The following IL12A variants were observed in gnomAD, a reference collection of about 807,000 sequenced individuals.
IL12A encodes the protein interleukin 12A.
IL12A carries 16 observed loss-of-function variants against 23.5 expected under a neutral mutation model. The observed-to-expected ratio is 0.68, with a 90% CI of 0.46 to 1.03. The LOEUF is 1.03. IL12A is among the 50% of genes least tolerant of loss of function. The pLI, the probability that IL12A is intolerant of heterozygous loss-of-function variation, is 0.00. For synonymous variants in IL12A, 106 were observed against 111.5 expected (o/e 0.95, Z 0.31); for missense variants, 275 against 307.0 (o/e 0.90, Z 0.78).
intron 2 of IL12A, among the ~76,000 whole-genome samples, chr3:159,992,690 A>AT (rs1720361744): frequency 6.6e-6 from 1 of 152,168 alleles, no homozygotes; most frequent in Non-Finnish European, 1.5e-5. Context: ...AGAAGAAACA[A>AT]TTTTCACCAG....
Position 159,988,922 on chromosome 3 carries a change from C to T in IL12A, c.-135C>T, listed in dbSNP as rs563031174. ...GGCACCCCGGGAGTTAATCCGAAAG[C>T]GCCGCAAGCCCCGCGGGCCGGCCGC... On this transcript the variant is annotated 5_prime_UTR_variant, in exon 1 of 7. Transcript: ENST00000305579. 1.2e-4 allele frequency: 91 copies of T among 736,370 alleles called. No individual in the cohort carries two copies. The highest frequency in any genetic ancestry group is 1.2e-3 in the African/African-American group (68 of 55,826). The allele number at this position is 736,370 out of a possible 1,614,324, so 45.6% of individuals were successfully genotyped here. A position where few individuals can be genotyped will look rare whatever the true frequency, so the allele number is the denominator to read the frequency against.
At chr3:159,990,789 G>C (rs987092729) in intron 2 of IL12A, among the ~76,000 whole-genome samples, 2 of 152,186 alleles carry the variant, frequency 1.3e-5, no homozygotes, top group African/African-American at 2.4e-5. Flanking sequence ...ACACATCTCA[G>C]GGAGGACTAT....
chr3:159,994,093 A>T (rs1720412217), intron 6 of IL12A: 3 of 416,662 alleles, frequency 7.2e-6, no homozygotes, highest in African/African-American at 2.0e-5. Flanking sequence ...GTTTTTGTGC[A>T]TTTTCTTATG....
chr3:159,994,665 A>G (rs1393749579), intron 6 of IL12A, among the ~76,000 whole-genome samples: 1 of 151,546 alleles, frequency 6.6e-6, no homozygotes, highest in Non-Finnish European at 1.5e-5. Flanking sequence ...TCATCCAAGT[A>G]TCAAAGAATG....
chr3:159,993,922 A>G (rs1720406178), intron 6 of IL12A, 78 bp downstream of exon 6: 1 of 1,490,160 alleles, frequency 6.7e-7, no homozygotes, highest in African/African-American at 1.4e-5. Context: ...AAAGAGATAT[A>G]AAAAGAGGTC....
intron 2 of IL12A, among the ~76,000 whole-genome samples, chr3:159,992,523 CTG>C (rs1720355632): frequency 1.3e-5 from 2 of 152,328 alleles, no homozygotes; most frequent in South Asian, 4.1e-4. Context: ...GATGACATCT[CTG>C]TGTATGTGTG....
chr3:159,993,396 T>G, intron 3 of IL12A, 55 bp from the exon 4 acceptor site: 6 of 1,389,538 alleles, frequency 4.3e-6, no homozygotes, highest in Non-Finnish European at 1.0e-6. Flanking sequence ...ACCTGAAGAG[T>G]CAGAAAGATT....
chr3:159,995,529 T>C lies in IL12A; in HGVS notation c.732T>C (p.Asp244=), dbSNP rs1042154. The change falls in exon 7 of 7, where the codon GAT becomes GAC. Residue 244 remains aspartate (D), a synonymous_variant. Transcript: ENST00000305579. ...TCAGAATTCGGGCAGTGACTATTGA[T>C]AGAGTGATGAGCTATCTGAATGCTT... 4 of 1,608,636 alleles carry C rather than the reference T, an allele frequency of 2.5e-6. No homozygotes were observed. The highest frequency in any genetic ancestry group is 3.4e-6 in the Non-Finnish European group (4 of 1,177,974).
At chr3:159,989,242 G>C in intron 1 of IL12A, 68 bp downstream of exon 1, 1 of 1,251,984 alleles carries the variant, frequency 8.0e-7, no homozygotes, top group South Asian at 1.2e-5. Context: ...GGGAAGAGTG[G>C]GTAGAAACTC....
In IL12A at chr3:159,992,476, T is replaced by C. The variant is rs150993021; in HGVS notation, c.265-536T>C. On this transcript the variant is annotated intron_variant, in intron 2 of 6. Coordinates refer to ENST00000305579, the MANE Select transcript of IL12A (RefSeq NM_000882.4). The stretch of plus-strand genomic sequence containing the variant: ...AGTCCTTTACTTCCTAAGATACATT[T>C]CATAATTTTACCCAACGGTGCTTTC... Among the ~76,000 whole-genome samples, 91 of 152,326 alleles carry C rather than the reference T, an allele frequency of 6.0e-4. 1 individual carries two copies. Among genetic ancestry groups the C allele is most frequent in the African/African-American group, 2.0e-3 (85 of 41,566 alleles).
At chr3:159,989,244 T>A in intron 1 of IL12A, 70 bp downstream of exon 1, 1 of 1,233,356 alleles carries the variant, frequency 8.1e-7, no homozygotes, top group African/African-American at 1.5e-5. Context: ...GAAGAGTGGG[T>A]AGAAACTCAA....
At chr3:159,993,952 TG>T in intron 6 of IL12A, 108 bp downstream of exon 6, 3 of 1,065,744 alleles carry the variant, frequency 2.8e-6, no homozygotes, top group Non-Finnish European at 4.1e-6. Flanking sequence ...TTTAAAGGCC[TG>T]ACAGACCTAC....
At chr3:159,991,976 CT>C (rs1369593197) in intron 2 of IL12A, among the ~76,000 whole-genome samples, 1 of 152,250 alleles carries the variant, frequency 6.6e-6, no homozygotes, top group Non-Finnish European at 1.5e-5. Context: ...TGAATGTCAT[CT>C]GCACCTTCAT....
At chr3:159,990,788 A>G (rs1720279278) in intron 2 of IL12A, among the ~76,000 whole-genome samples, 1 of 152,176 alleles carries the variant, frequency 6.6e-6, no homozygotes. Context: ...AACACATCTC[A>G]GGGAGGACTA....
chr3:159,994,579 C>CGTGTGTGTGTGTGT (rs60659167), intron 6 of IL12A, among the ~76,000 whole-genome samples: 51 of 135,736 alleles, frequency 3.8e-4, no homozygotes, highest in African/African-American at 9.9e-4. Flanking sequence ...TTATTCTTTT[C>CGTGTGTGTGTGTGT]GTGTGTGTGT....
rs752804893 is a variant in IL12A at position 159,993,061 on chromosome 3, A to G, written c.314A>G (p.His105Arg). ...CCTTGCACTTCTGAAGAGATTGATC[A>G]TGAAGATATCACAAAAGATAAAACC... The change falls in exon 3 of 7, where the codon CAT becomes CGT. Residue 105 changes from histidine (H) to arginine (R), a missense_variant. His to Arg is a conservative substitution (Grantham distance 29, BLOSUM62 0). Transcript: ENST00000305579. 3.7e-6 allele frequency: 6 copies of G among 1,611,264 alleles called. No individual in the cohort carries two copies. Among genetic ancestry groups the G allele is most frequent in the South Asian group, 3.3e-5 (3 of 91,008 alleles).
chr3:159,992,029 G>A (rs1191018709), intron 2 of IL12A, among the ~76,000 whole-genome samples: 1 of 152,202 alleles, frequency 6.6e-6, no homozygotes, highest in African/African-American at 2.4e-5. Context: ...GGGTTCCAGG[G>A]ATTGGGAGGT....
At chr3:159,989,411 G>A in intron 1 of IL12A, 1 of 535,610 alleles carries the variant, frequency 1.9e-6, no homozygotes, top group Non-Finnish European at 3.3e-6. Flanking sequence ...AGAAACTGAG[G>A]CCCAGCGTGG....
chr3:159,994,301 T>A, intron 6 of IL12A: 1 of 155,974 alleles, frequency 6.4e-6, no homozygotes, highest in Non-Finnish European at 1.4e-5. Context: ...TATCTGCAAA[T>A]ATTGCTGGGA....
Sources: gnomAD v4.1 joint callset for allele counts (sites outside exome capture counted in the v4.1 genomes callset) on GRCh38, gnomAD v4.1.1 for gene constraint, MANE v1.5 for transcripts, NCBI Gene and HGNC (gene_info 2026-07-23, HGNC 2026-07-21) for gene names.